The following COL24A1 variants were observed in gnomAD, a reference collection of about 807,000 sequenced individuals.
The protein encoded by COL24A1 is collagen type XXIV alpha 1 chain.
COL24A1 carries 224 observed loss-of-function variants against 253.9 expected under a neutral mutation model. The ratio of observed to expected loss-of-function variants is 0.88; its 90% confidence interval spans 0.79 to 0.99. COL24A1 has a LOEUF of 0.99. Ranked by LOEUF, COL24A1 falls within the 50% of genes least tolerant of loss-of-function variation. The probability of loss-of-function intolerance (pLI) is 0.00; values close to 1 mark genes in which losing one functional copy is unlikely to be tolerated. For synonymous variants in COL24A1, 685 were observed against 673.7 expected, an observed-to-expected ratio of 1.02 and a Z score of -0.26; for missense variants, 2,131 against 2,068.5, an observed-to-expected ratio of 1.03 and a Z score of -0.59.
At chr1:86,014,950 T>G (rs1366586407) in intron 19 of COL24A1, among the ~76,000 whole-genome samples, 1 of 152,194 alleles carries the variant, frequency 6.6e-6, no homozygotes, top group East Asian at 1.9e-4. Context: ...TGCTTAAATA[T>G]CTTTGGTTAA....
At chr1:85,761,232 A>T (rs1412806424) in intron 55 of COL24A1, among the ~76,000 whole-genome samples, 164 bp downstream of exon 55, 1 of 152,198 alleles carries the variant, frequency 6.6e-6, no homozygotes, top group East Asian at 1.9e-4. Context: ...TGAGGCTTGG[A>T]TTTCATGTTT....
At chr1:86,019,564 T>C (rs78964704) in intron 18 of COL24A1, among the ~76,000 whole-genome samples, 1 of 72,082 alleles carries the variant, frequency 1.4e-5, no homozygotes, top group Non-Finnish European at 2.9e-5. Context: ...TCTCTAAAAA[T>C]TTTTTTTTTA....
At chr1:86,027,929 T>C (rs1698200746) in intron 14 of COL24A1, among the ~76,000 whole-genome samples, 1 of 152,188 alleles carries the variant, frequency 6.6e-6, no homozygotes, top group South Asian at 2.1e-4. Context: ...ACCTCCTACA[T>C]CAGTGTGACC....
At chr1:86,089,131 A>AC in intron 7 of COL24A1, 43 bp downstream of exon 7, 2 of 1,409,810 alleles carry the variant, frequency 1.4e-6, no homozygotes, top group Non-Finnish European at 1.9e-6. Flanking sequence ...CAAAAAAAAG[A>AC]AAAAAAGAAG....
intron 32 of COL24A1, among the ~76,000 whole-genome samples, chr1:85,880,281 A>G (rs12740827): frequency 0.22 from 33,013 of 152,102 alleles, 3,966 homozygotes; most frequent in African/African-American, 0.24. Flanking sequence ...TAATGTAAAT[A>G]GTATTGTGTT....
chr1:85,945,400 A>G (rs920147055), intron 24 of COL24A1, among the ~76,000 whole-genome samples: 1 of 151,694 alleles, frequency 6.6e-6, no homozygotes, highest in Non-Finnish European at 1.5e-5. Flanking sequence ...GACTGACTGA[A>G]AAGTTGAAAC....
chr1:86,119,263 G>A (rs370454365), intron 3 of COL24A1, among the ~76,000 whole-genome samples: 5 of 152,218 alleles, frequency 3.3e-5, no homozygotes, highest in Middle Eastern at 3.4e-3. Context: ...ACTTTGGAGC[G>A]AAGGTGTTGA....
rs548984238 is a variant in COL24A1, at chr1:86,106,344, T to C, written c.1599+6223A>G. Among the ~76,000 whole-genome samples, 4 of 152,130 alleles carry C rather than the reference T, an allele frequency of 2.6e-5. No individual in the cohort carries two copies. The South Asian group carries it at 8.3e-4, about 32-fold the overall frequency. ...TTAAATATTATTAATGAAACATTGT[T>C]ACTGTGGGTTATTAAGGCTAGATGT... On this transcript the variant is annotated intron_variant, in intron 5 of 59. Coordinates refer to ENST00000370571, the MANE Select transcript of COL24A1 (RefSeq NM_152890.7).
chr1:85,885,397 A>ATATATTTTTTT (rs60994639), intron 32 of COL24A1, among the ~76,000 whole-genome samples: 1,997 of 128,706 alleles, frequency 0.016, 30 homozygotes, highest in African/African-American at 0.025. Context: ...ATATATATAT[A>ATATATTTTTTT]TTTTTTTTTT....
intron 3 of COL24A1, among the ~76,000 whole-genome samples, chr1:86,116,499 G>T (rs1467568821): frequency 6.6e-6 from 1 of 151,976 alleles, no homozygotes; most frequent in Admixed American, 6.6e-5. Context: ...AGTTTAATCT[G>T]CAGCATGGCC....
intron 18 of COL24A1, among the ~76,000 whole-genome samples, chr1:86,020,632 A>G (rs980995821): frequency 1.3e-4 from 20 of 152,210 alleles, no homozygotes; most frequent in Non-Finnish European, 2.6e-4. Context: ...TACTTATATT[A>G]TTTATTAGTT....
intron 47 of COL24A1, among the ~76,000 whole-genome samples, chr1:85,789,761 G>A (rs1464015365): frequency 6.6e-6 from 1 of 152,166 alleles, no homozygotes; most frequent in Non-Finnish European, 1.5e-5. Flanking sequence ...TTAACATGAA[G>A]GGATGTTGAA....
rs1553268800 is a variant in COL24A1 at position 86,045,570 on chromosome 1, A to AAT, written c.1950+1254_1950+1255insAT. Among the ~76,000 whole-genome samples, 207 of 152,242 alleles carry AAT rather than the reference A, an allele frequency of 1.4e-3. 3 individuals carry two copies. In the South Asian group the frequency reaches 0.019, roughly 14 times the overall value. On this transcript the variant is annotated intron_variant, in intron 12 of 59. Transcript: ENST00000370571. ...TGAGAGCTAAAACATAAAAAAAAAAATTAACACACCAATGTATTCAAGTGT... is the reference window on the plus strand; with the variant it reads ...TGAGAGCTAAAACATAAAAAAAAAAAATTTAACACACCAATGTATTCAAGTGT...
chr1:85,955,396 A>T (rs1043469482), intron 24 of COL24A1, among the ~76,000 whole-genome samples: 6 of 152,236 alleles, frequency 3.9e-5, no homozygotes, highest in African/African-American at 1.4e-4. Flanking sequence ...CGGGATACAG[A>T]AAGCCCTCTG....
intron 32 of COL24A1, among the ~76,000 whole-genome samples, chr1:85,886,055 C>T (rs1682461170): frequency 6.6e-6 from 1 of 151,826 alleles, no homozygotes; most frequent in African/African-American, 2.4e-5. Context: ...AATTGTGTTC[C>T]ACACACAATA....
At chr1:85,961,013 G>A (rs1458693719) in intron 24 of COL24A1, 4 of 378,022 alleles carry the variant, frequency 1.1e-5, no homozygotes, top group Non-Finnish European at 1.9e-5. Flanking sequence ...TGTTTCTGAG[G>A]TCACAAATAT....
rs140795848 is a variant in COL24A1 at position 85,937,099 on chromosome 1, G to C, written c.2562+24150C>G. 3.3e-4 allele frequency among the ~76,000 whole-genome samples: 49 copies of C among 147,440 alleles called. 10 individuals are homozygous for C. The East Asian group carries it at 9.0e-3, about 27-fold the overall frequency. ...TTTAGCTGACACCTTTGCTCTCTGG[G>C]GGATCCCTTACGACCAGCTGTCAGA... On this transcript the variant is annotated intron_variant, in intron 24 of 59. Transcript: ENST00000370571.
chr1:85,862,128 T>C (rs921539554), intron 37 of COL24A1, among the ~76,000 whole-genome samples: 1 of 152,218 alleles, frequency 6.6e-6, no homozygotes, highest in Non-Finnish European at 1.5e-5. Context: ...CTTTCATTAG[T>C]ATGTTTATTT....
rs140109854 is a variant in COL24A1, at chr1:86,138,848, C to CTTTTTT, written c.121+7265_121+7270dup. ...TTCTTGCCATAACAAAGCTTATCTG[C>CTTTTTT]TTTTTTTTTTATCTCATCCCGTCAG... On this transcript the variant is annotated intron_variant, in intron 2 of 59. Coordinates refer to ENST00000370571, the MANE Select transcript of COL24A1 (RefSeq NM_152890.7). Among the ~76,000 whole-genome samples the CTTTTTT allele has an allele frequency of 2.7e-5, 4 of 148,752 alleles. No homozygotes were observed. In the East Asian group the frequency reaches 5.9e-4, roughly 22 times the overall value.
Sources: gnomAD v4.1 joint callset for allele counts (sites outside exome capture counted in the v4.1 genomes callset) on GRCh38, gnomAD v4.1.1 for gene constraint, MANE v1.5 for transcripts, NCBI Gene and HGNC (gene_info 2026-07-23, HGNC 2026-07-21) for gene names.